The following PXDN variants were observed in gnomAD, a reference collection of about 807,000 sequenced individuals.
The protein encoded by PXDN is peroxidasin homolog.
In PXDN, 77 loss-of-function variants were observed where a neutral mutation model predicts 140.3. That is an observed-to-expected ratio of 0.55 (90% CI 0.46 to 0.66). The LOEUF (loss-of-function observed/expected upper bound fraction) is 0.66, where lower values mean the gene tolerates loss of function less well. PXDN is among the 30% of genes least tolerant of loss of function. The pLI is 0.00. For synonymous variants in PXDN, 911 were observed against 857.4 expected (o/e 1.06, Z -1.09); for missense variants, 1,838 against 2,039.5 (o/e 0.90, Z 1.90).
chr2:1,635,673 T>C (rs959836661), intron 21 of PXDN, 152 bp from the exon 22 acceptor site: 2 of 694,676 alleles, frequency 2.9e-6, no homozygotes, highest in African/African-American at 3.5e-5. Context: ...GAATCTCCAA[T>C]GTCCTTATTA....
At chr2:1,721,433 G>A (rs1348230092) in intron 1 of PXDN, among the ~76,000 whole-genome samples, 1 of 152,214 alleles carries the variant, frequency 6.6e-6, no homozygotes, top group Non-Finnish European at 1.5e-5. Flanking sequence ...CATTCATCCA[G>A]GATTCAGCCA....
At chr2:1,680,053 C>T (rs551352791) in intron 7 of PXDN, 140 bp downstream of exon 7, 49 of 1,075,764 alleles carry the variant, frequency 4.6e-5, no homozygotes, top group African/African-American at 1.4e-4. Context: ...TTTGTGTCTG[C>T]GCGTGTGTCT....
intron 1 of PXDN, among the ~76,000 whole-genome samples, chr2:1,720,202 GGATGCAGAGA>G (rs1685001306): frequency 6.2e-5 from 1 of 16,102 alleles, no homozygotes; most frequent in Non-Finnish European, 1.1e-4. Flanking sequence ...AGAGAGGGAG[GGATGCAGAGA>G]GAGGGAGGGA....
rs767814859 is a variant in PXDN, at chr2:1,648,990, G to C, written c.2790C>G (p.Ala930=). The change falls in exon 17 of 23, where the codon GCC becomes GCG. Residue 930 remains alanine, a synonymous_variant. Coordinates refer to ENST00000252804, the MANE Select transcript of PXDN (RefSeq NM_012293.3). The surrounding 1 kb of genome is among the most constrained non-coding windows in gnomAD (Gnocchi z 8.9). ...CCTGCCGCAGCAGGCCGCGGTGGCTGGCCAGGTCGCGGATGCTGCGGGCCT... is the reference window on the plus strand; with the variant it reads ...CCTGCCGCAGCAGGCCGCGGTGGCTCGCCAGGTCGCGGATGCTGCGGGCCT... ...EHEARSIRDL[A]SHRGLLRQGI... 3.7e-6 allele frequency: 6 copies of C among 1,611,232 alleles called. No individual in the cohort carries two copies. Among genetic ancestry groups the C allele is most frequent in the Non-Finnish European group, 5.1e-6 (6 of 1,178,954 alleles).
chr2:1,672,912 A>G (rs1194450566), intron 9 of PXDN, among the ~76,000 whole-genome samples: 1 of 152,220 alleles, frequency 6.6e-6, no homozygotes, highest in African/African-American at 2.4e-5. Flanking sequence ...CTCCCTGGGT[A>G]AGGGCTCCGA....
rs749012004 is a variant in PXDN, at chr2:1,684,237, T to A, written c.417-86A>T. The A allele has an allele frequency of 4.9e-4, 543 of 1,108,804 alleles. 1 individual carries two copies. The highest frequency in any genetic ancestry group is 6.8e-4 in the Non-Finnish European group (513 of 754,608). 68.7% of individuals were successfully genotyped at this position (1,108,804 alleles called of 1,614,324 possible). A position where few individuals can be genotyped will look rare whatever the true frequency, so the allele number is the denominator to read the frequency against. The stretch of plus-strand genomic sequence containing the variant: ...TTGCCCAAATTTTTTTCCTAGTCAT[T>A]TCAAATTCAGATATCAATAGATAGC... On this transcript the variant is annotated intron_variant, in intron 4 of 22. Coordinates refer to ENST00000252804, the MANE Select transcript of PXDN (RefSeq NM_012293.3).
At chr2:1,657,956 G>A (rs1030532734) in intron 14 of PXDN, among the ~76,000 whole-genome samples, 1 of 125,854 alleles carries the variant, frequency 7.9e-6, no homozygotes, top group Non-Finnish European at 1.6e-5. Flanking sequence ...CCTCCTCACT[G>A]GGACTTGCCC....
Position 1,693,065 on chromosome 2 carries a change from T to G in PXDN, c.270A>C (p.Thr90=). 3 of 1,543,514 alleles carry G rather than the reference T, an allele frequency of 1.9e-6. No homozygotes were observed. The highest frequency in any genetic ancestry group is 2.6e-6 in the Non-Finnish European group (3 of 1,137,034). The change falls in exon 2 of 23, where the codon ACA becomes ACC. Residue 90 remains threonine, a splice_region_variant and synonymous_variant. Transcript: ENST00000252804. ...TCCAATAGAATATTTCCACTCACAATGTGTTCAAGTTCCTCAGCCGCCTGA... is the reference window on the plus strand; with the variant it reads ...TCCAATAGAATATTTCCACTCACAAGGTGTTCAAGTTCCTCAGCCGCCTGA... ...GAFRRLRNLN[T]LLLNNNQIKR...
Position 1,663,615 on chromosome 2 carries a change from C to G in PXDN, c.1557G>C (p.Val519=), listed in dbSNP as rs1322368105. ...GSQKVVAHLT[V]QPRVTPVFAS... ...CCTCCTGGCACCTACCTCTGGGCTG[C>G]ACAGTCAGGTGGGCCACGACCTTCT... Residue 519 remains valine (V), a synonymous_variant, in exon 12 of 23, where the codon GTG becomes GTC. Transcript: ENST00000252804. The G allele has an allele frequency of 6.2e-7, 1 of 1,613,964 alleles. No homozygotes were observed. Among genetic ancestry groups the G allele is most frequent in the Admixed American group, 1.7e-5 (1 of 60,028 alleles).
intron 1 of PXDN, among the ~76,000 whole-genome samples, chr2:1,723,880 G>C (rs1352662375): frequency 6.6e-6 from 1 of 152,202 alleles, no homozygotes; most frequent in African/African-American, 2.4e-5. Flanking sequence ...GTTTGAGTAA[G>C]TTACAATCAT....
intron 11 of PXDN, 152 bp from the exon 12 acceptor site, chr2:1,663,915 C>T (rs1006017275): frequency 1.2e-6 from 1 of 837,404 alleles, no homozygotes; most frequent in Admixed American, 2.4e-5. Flanking sequence ...CTTTGCCTCC[C>T]CAGCAGACAC....
At chr2:1,634,776 A>T (rs1572109259) in intron 22 of PXDN, among the ~76,000 whole-genome samples, 1 of 152,186 alleles carries the variant, frequency 6.6e-6, no homozygotes, top group East Asian at 1.9e-4. Context: ...GCTCAGGGAC[A>T]CTGATGCGCG....
intron 1 of PXDN, among the ~76,000 whole-genome samples, chr2:1,703,230 AACTCCTGGTGAAGGGGGG>A: frequency 4.9e-5 from 1 of 20,236 alleles, no homozygotes; most frequent in Non-Finnish European, 8.3e-5. Context: ...AGGGGGGGGC[AACTCCTGGTGAAGGGGGG>A]GCAACTCCAG....
intron 1 of PXDN, among the ~76,000 whole-genome samples, chr2:1,709,323 TC>T (rs2125466772): frequency 6.6e-6 from 1 of 151,614 alleles, no homozygotes; most frequent in South Asian, 2.1e-4. Flanking sequence ...GGCTGCAGGG[TC>T]AGAGAGGGCC....
chr2:1,668,018 A>G (rs1683486724), intron 9 of PXDN, among the ~76,000 whole-genome samples: 1 of 152,238 alleles, frequency 6.6e-6, no homozygotes. Flanking sequence ...AAAAGAACAA[A>G]GCCGGAGGCA....
In PXDN at chr2:1,685,627, G is replaced by A. The variant is rs1684035280; in HGVS notation, c.417-1476C>T. Among the ~76,000 whole-genome samples the A allele has an allele frequency of 6.6e-6, 1 of 152,108 alleles. No homozygotes were observed. The highest frequency in any genetic ancestry group is 2.4e-5 in the African/African-American group (1 of 41,420). ...AGGTACTGACCGAGGGAAGGAAAGG[G>A]GGTATTTCAAGCCCCACGGAGAGCG... On this transcript the variant is annotated intron_variant, in intron 4 of 22. Coordinates refer to ENST00000252804, the MANE Select transcript of PXDN (RefSeq NM_012293.3). This position sits in a 1 kb window ranked among gnomAD's most constrained non-coding sequence, Gnocchi z 5.1.
chr2:1,717,254 T>C (rs1018500712), intron 1 of PXDN, among the ~76,000 whole-genome samples: 7 of 152,118 alleles, frequency 4.6e-5, no homozygotes, highest in African/African-American at 1.2e-4. Context: ...CCCCTAACAA[T>C]AGATTAATGC....
intron 1 of PXDN, among the ~76,000 whole-genome samples, chr2:1,699,939 C>G (rs1244467317): frequency 2.0e-5 from 3 of 152,160 alleles, no homozygotes; most frequent in Non-Finnish European, 4.4e-5. Context: ...GCCTATGTTT[C>G]TAACTAATAA....
At chr2:1,680,948 C>T (rs1020336193) in intron 6 of PXDN, among the ~76,000 whole-genome samples, 3 of 152,178 alleles carry the variant, frequency 2.0e-5, no homozygotes, top group African/African-American at 7.2e-5. Context: ...ACATCCTGTC[C>T]CAACAAGGGG....
Sources: allele counts gnomAD v4.1 joint callset (sites outside exome capture counted in the v4.1 genomes callset), GRCh38; gene constraint gnomAD v4.1.1; non-coding constraint Gnocchi (gnomAD v3.1); transcripts MANE v1.5; gene names NCBI Gene and HGNC (gene_info 2026-07-23, HGNC 2026-07-21).